Variants in FUBP3 observed in about 807,000 individuals in gnomAD.
FUBP3 encodes the protein far upstream element binding protein 3.
In FUBP3, 28 loss-of-function variants were observed where a neutral mutation model predicts 85.6. That is an observed-to-expected ratio of 0.33 (90% CI 0.24 to 0.45). The LOEUF (loss-of-function observed/expected upper bound fraction) is 0.45. FUBP3 is among the 20% of genes least tolerant of loss of function. The pLI is 1.00. For missense variants in FUBP3, 583 were observed against 755.1 expected (o/e 0.77, Z 2.67); for synonymous variants, 271 against 271.4 (o/e 1.00, Z 0.01).
At position 130,637,107 on chromosome 9, in the gene FUBP3, C is replaced by A; in HGVS notation, c.*85C>A. 9.3e-7 allele frequency: 1 copy of A among 1,074,066 alleles called. No individual in the cohort carries two copies. 66.5% of individuals were successfully genotyped at this position (1,074,066 alleles called of 1,614,324 possible). On this transcript the variant is annotated 3_prime_UTR_variant, in exon 19 of 19. Coordinates refer to ENST00000319725, the MANE Select transcript of FUBP3 (RefSeq NM_003934.2). ...AACAGAGGTTTTTACATTTGCAAAC[C>A]TTTTGATGAAGAACTGTTGTTTTGT...
chr9:130,629,105 C>T (rs143948752), intron 12 of FUBP3, among the ~76,000 whole-genome samples: 117 of 152,286 alleles, frequency 7.7e-4, no homozygotes, highest in African/African-American at 2.7e-3. Context: ...AAAAACATTG[C>T]CTAGGAGCCT....
rs199940132 is a variant in FUBP3 at position 130,630,788 on chromosome 9, C to T, written c.1278C>T (p.Gly426=). ...VARQLIDEKV[G]GTNLGAPGAF... is the part of the protein sequence containing the mutation. ...GGCAGCTCATAGATGAGAAAGTTGG[C>T]GTACGTACAGGGTCCTTCCCCCACC... is the stretch of plus-strand genomic sequence containing the variant. The change falls in exon 13 of 19, where the codon GGC becomes GGT. Residue 426 remains glycine, a splice_region_variant and synonymous_variant. Coordinates refer to ENST00000319725, the MANE Select transcript of FUBP3 (RefSeq NM_003934.2). 9.3e-4 allele frequency: 1,390 copies of T among 1,496,358 alleles called. 1 individual carries two copies. The highest frequency in any genetic ancestry group is 2.4e-3 in the Admixed American group (102 of 43,074). The allele number at this position is 1,496,358 out of a possible 1,614,324, so 92.7% of individuals were successfully genotyped here. A position where few individuals can be genotyped will look rare whatever the true frequency, so the allele number is the denominator to read the frequency against.
intron 2 of FUBP3, among the ~76,000 whole-genome samples, chr9:130,606,587 AAAGTG>A (rs1831457048): frequency 6.6e-6 from 1 of 152,080 alleles, no homozygotes; most frequent in Non-Finnish European, 1.5e-5. Context: ...TTGGGAGGCT[AAAGTG>A]GGCGGATCAC....
chr9:130,601,107 G>GGC (rs1437616556), intron 2 of FUBP3, among the ~76,000 whole-genome samples: 1 of 152,182 alleles, frequency 6.6e-6, no homozygotes, highest in African/African-American at 2.4e-5. Context: ...CACCGAAACA[G>GGC]GCAGCTGGCC....
chr9:130,599,097 C>A (rs1036535064), intron 2 of FUBP3, among the ~76,000 whole-genome samples: 4 of 152,182 alleles, frequency 2.6e-5, no homozygotes, highest in African/African-American at 7.2e-5. Context: ...TTGAGACCAT[C>A]CTGGCTGACA....
intron 8 of FUBP3, 26 bp from the exon 9 acceptor site, chr9:130,620,328 A>G (rs1829695611): frequency 2.2e-6 from 3 of 1,358,418 alleles, no homozygotes; most frequent in Non-Finnish European, 3.1e-6. Flanking sequence ...TTTTTCTCAT[A>G]ATGCTTTTTG....
chr9:130,598,743 A>G (rs1027743187), intron 2 of FUBP3, among the ~76,000 whole-genome samples: 1 of 152,236 alleles, frequency 6.6e-6, no homozygotes, highest in Non-Finnish European at 1.5e-5. Flanking sequence ...GGTCATAAAC[A>G]CTTTGTAAAT....
At chr9:130,602,945 T>C (rs1831228661) in intron 2 of FUBP3, among the ~76,000 whole-genome samples, 1 of 151,990 alleles carries the variant, frequency 6.6e-6, no homozygotes, top group African/African-American at 2.4e-5. Context: ...CCACTTTTGG[T>C]GTACAGTGGG....
chr9:130,619,718 C>G (rs1829661228), intron 8 of FUBP3, among the ~76,000 whole-genome samples: 1 of 152,146 alleles, frequency 6.6e-6, no homozygotes. Flanking sequence ...GATAGACTTG[C>G]CAAGTGTGTG....
chr9:130,605,082 T>A (rs1443900878), intron 2 of FUBP3, among the ~76,000 whole-genome samples: 1 of 152,226 alleles, frequency 6.6e-6, no homozygotes, highest in African/African-American at 2.4e-5. Context: ...ATAAAGCTGG[T>A]TGTGACCCCC....
chr9:130,595,675 C>G, intron 2 of FUBP3, 87 bp downstream of exon 2: 1 of 771,092 alleles, frequency 1.3e-6, no homozygotes, highest in South Asian at 1.4e-5. Flanking sequence ...CTTAACGACT[C>G]TCTGAAGTGT....
At chr9:130,591,205 G>A (rs1194892763) in intron 1 of FUBP3, among the ~76,000 whole-genome samples, 1 of 152,194 alleles carries the variant, frequency 6.6e-6, no homozygotes, top group Non-Finnish European at 1.5e-5. Flanking sequence ...AGCATTTTGG[G>A]AGGCTGAGGT....
rs1247877821 is a variant in FUBP3 at position 130,616,875 on chromosome 9, C to T, written c.567+358C>T. Among the ~76,000 whole-genome samples the T allele has an allele frequency of 6.6e-6, 1 of 152,232 alleles. No homozygotes were observed. The highest frequency in any genetic ancestry group is 1.5e-5 in the Non-Finnish European group (1 of 68,038). On this transcript the variant is annotated intron_variant, in intron 7 of 18. Coordinates refer to ENST00000319725, the MANE Select transcript of FUBP3 (RefSeq NM_003934.2). The surrounding 1 kb of genome is among the most constrained non-coding windows in gnomAD (Gnocchi z 4.7). ...GGCTCTGACCCAGCATTCTTCCTCA[C>T]TGATTGATCTTAAATGTGCTCATTT...
chr9:130,596,115 A>G lies in FUBP3; in HGVS notation c.190+527A>G, dbSNP rs1489664667. Among the ~76,000 whole-genome samples the G allele has an allele frequency of 2.6e-5, 4 of 152,238 alleles. No homozygotes were observed. The East Asian group carries it at 7.7e-4, about 29-fold the overall frequency. ...TATTTGTTGTTTTGTTGGCTGGTTT[A>G]TATACCCTACTCCATCCCAAAAAGA... On this transcript the variant is annotated intron_variant, in intron 2 of 18. Coordinates refer to ENST00000319725, the MANE Select transcript of FUBP3 (RefSeq NM_003934.2).
At chr9:130,594,083 A>G (rs1189965741) in intron 1 of FUBP3, among the ~76,000 whole-genome samples, 1 of 152,146 alleles carries the variant, frequency 6.6e-6, no homozygotes, top group African/African-American at 2.4e-5. Flanking sequence ...TTTAGATCAC[A>G]CATCAGTTTA....
chr9:130,607,151 T>C (rs563855978), intron 2 of FUBP3, among the ~76,000 whole-genome samples: 1 of 149,932 alleles, frequency 6.7e-6, no homozygotes, highest in South Asian at 2.1e-4. Context: ...TTTTTTTTTT[T>C]ACTAGAGACA....
At chr9:130,589,679 A>ATATATATATATATATATATG (rs1830508051) in intron 1 of FUBP3, among the ~76,000 whole-genome samples, 1 of 22,670 alleles carries the variant, frequency 4.4e-5, no homozygotes, top group African/African-American at 2.5e-4. Context: ...GTGTGTGTAT[A>ATATATATATATATATATATG]TATATATATA....
At chr9:130,618,033 T>C (rs1832095679) in intron 8 of FUBP3, 138 bp downstream of exon 8, 1 of 548,038 alleles carries the variant, frequency 1.8e-6, no homozygotes, top group Admixed American at 3.4e-5. Context: ...CAACAAAGTT[T>C]GGTGATGAAA....
rs908546753 is a variant in FUBP3 at position 130,635,847 on chromosome 9, G to A, written c.1583-152G>A. The A allele has an allele frequency of 2.6e-5, 19 of 724,030 alleles. No individual in the cohort carries two copies. Among genetic ancestry groups the A allele is most frequent in the African/African-American group, 2.5e-4 (14 of 56,948 alleles). The allele number at this position is 724,030 out of a possible 1,614,324, so 44.9% of individuals were successfully genotyped here. Reference sequence around the variant, plus strand: ...GCTAACAGCACCTTTTGTAGCAAGCGCTCCTGCAACACCAGCCTCACCTCA... The same window carrying A: ...GCTAACAGCACCTTTTGTAGCAAGCACTCCTGCAACACCAGCCTCACCTCA... On this transcript the variant is annotated intron_variant, in intron 17 of 18. Transcript: ENST00000319725. This position sits in a 1 kb window ranked among gnomAD's most constrained non-coding sequence, Gnocchi z 4.3.
Sources: gnomAD v4.1 joint callset for allele counts (sites outside exome capture counted in the v4.1 genomes callset) on GRCh38, gnomAD v4.1.1 for gene constraint, Gnocchi (gnomAD v3.1) non-coding constraint, MANE v1.5 for transcripts, NCBI Gene and HGNC (gene_info 2026-07-23, HGNC 2026-07-21) for gene names.